ABCB1: variants seen among roughly 807,000 people sequenced by gnomAD.
ABCB1 encodes the protein ATP-dependent translocase ABCB1.
Under a neutral mutation model 142.0 loss-of-function variants are expected in ABCB1, and 69 were observed. The observed-to-expected ratio is 0.49, with a 90% CI of 0.40 to 0.59. ABCB1 has a LOEUF of 0.59. Among genes scored for constraint, ABCB1 ranks in the 20% least tolerant of loss-of-function variants. The probability of loss-of-function intolerance (pLI) is 0.00; values close to 1 mark genes in which losing one functional copy is unlikely to be tolerated. For missense variants in ABCB1, 1,326 were observed against 1,554.7 expected, an observed-to-expected ratio of 0.85 and a Z score of 2.47; for synonymous variants, 532 against 539.2, an observed-to-expected ratio of 0.99 and a Z score of 0.18.
At chr7:87,624,970 G>A (rs779442183) in intron 1 of ABCB1, among the ~76,000 whole-genome samples, 30 of 152,078 alleles carry the variant, frequency 2.0e-4, no homozygotes, top group Non-Finnish European at 4.0e-4. Flanking sequence ...GAAAAATAAC[G>A]TTATGGCTGG....
At chr7:87,560,964 A>T (rs1817540328) in intron 8 of ABCB1, among the ~76,000 whole-genome samples, 1 of 152,244 alleles carries the variant, frequency 6.6e-6, no homozygotes, top group African/African-American at 2.4e-5. Context: ...TCAATATTAG[A>T]GAATCACTAA....
At chr7:87,623,119 A>G (rs1389375626) in intron 1 of ABCB1, among the ~76,000 whole-genome samples, 1 of 152,166 alleles carries the variant, frequency 6.6e-6, no homozygotes, top group East Asian at 1.9e-4. Flanking sequence ...GCCATTTACT[A>G]TGTGACTTTC....
intron 20 of ABCB1, among the ~76,000 whole-genome samples, chr7:87,536,248 T>C (rs907875031): frequency 6.6e-6 from 1 of 152,220 alleles, no homozygotes; most frequent in Non-Finnish European, 1.5e-5. Flanking sequence ...CAATAGCAAA[T>C]GGTTTATAAG....
At chr7:87,665,265 C>G (rs1825110225) in intron 1 of ABCB1, among the ~76,000 whole-genome samples, 1 of 151,928 alleles carries the variant, frequency 6.6e-6, no homozygotes, top group Admixed American at 6.6e-5. Context: ...AATCAACATA[C>G]AAAAATAAGT....
intron 5 of ABCB1, among the ~76,000 whole-genome samples, chr7:87,569,097 C>T (rs1817922644): frequency 6.6e-6 from 1 of 152,072 alleles, no homozygotes; most frequent in Admixed American, 6.6e-5. Flanking sequence ...CTTTGGAAGG[C>T]CAAGGTGGGT....
Position 87,545,889 on chromosome 7 carries a change from T to A in ABCB1, c.1861A>T (p.Ile621Phe). ...TGCATTGTGACAAGTTTGAAGTAAA[T>A]GCCTTTCTCTTTCATGAGTTCATCA... ...NHDELMKEKGIYFKLVTMQTA... is the reference protein window; with the variant it reads ...NHDELMKEKGFYFKLVTMQTA... Residue 621 changes from isoleucine (I) to phenylalanine (F), a missense_variant, in exon 15 of 28, where the codon ATT (isoleucine) becomes TTT (phenylalanine). Ile to Phe is a conservative substitution (Grantham distance 21, BLOSUM62 0). Coordinates refer to ENST00000622132, the MANE Select transcript of ABCB1 (RefSeq NM_001348946.2). 1 of 1,614,202 alleles carries A rather than the reference T, an allele frequency of 6.2e-7. No individual in the cohort carries two copies. Among genetic ancestry groups the A allele is most frequent in the Non-Finnish European group, 8.5e-7 (1 of 1,180,024 alleles).
At chr7:87,610,889 G>A (rs951570721) in intron 1 of ABCB1, among the ~76,000 whole-genome samples, 1 of 152,144 alleles carries the variant, frequency 6.6e-6, no homozygotes. Flanking sequence ...GGAGGAAGGG[G>A]AGAGGTTATT....
chr7:87,622,086 CAAAGGA>C (rs1820244941), intron 1 of ABCB1, among the ~76,000 whole-genome samples: 1 of 151,772 alleles, frequency 6.6e-6, no homozygotes, highest in Non-Finnish European at 1.5e-5. Flanking sequence ...CTAAAATGAT[CAAAGGA>C]AAAACCAATA....
chr7:87,514,118 G>A (rs1436119275), intron 25 of ABCB1, among the ~76,000 whole-genome samples: 1 of 152,188 alleles, frequency 6.6e-6, no homozygotes, highest in Non-Finnish European at 1.5e-5. Context: ...AGTGACCGCT[G>A]TGAGGAAGTA....
intron 1 of ABCB1, among the ~76,000 whole-genome samples, chr7:87,622,054 C>G (rs1820243273): frequency 6.6e-6 from 1 of 151,982 alleles, no homozygotes; most frequent in Non-Finnish European, 1.5e-5. Flanking sequence ...AGTATATAAT[C>G]TTGGAGGTGG....
At chr7:87,562,641 C>A (rs1817608994) in intron 7 of ABCB1, among the ~76,000 whole-genome samples, 1 of 151,822 alleles carries the variant, frequency 6.6e-6, no homozygotes, top group South Asian at 2.1e-4. Context: ...TCAAACACCA[C>A]AATGAATTCT....
At chr7:87,637,670 A>G (rs1040822939) in intron 1 of ABCB1, among the ~76,000 whole-genome samples, 2 of 152,004 alleles carry the variant, frequency 1.3e-5, no homozygotes, top group African/African-American at 4.8e-5. Context: ...ATATATTTTT[A>G]TATTATGGTA....
At chr7:87,523,170 G>T (rs1393264535) in intron 21 of ABCB1, among the ~76,000 whole-genome samples, 7 of 152,080 alleles carry the variant, frequency 4.6e-5, no homozygotes, top group Non-Finnish European at 8.8e-5. Flanking sequence ...GCAATTCACA[G>T]GTGTGATCAT....
intron 8 of ABCB1, among the ~76,000 whole-genome samples, chr7:87,559,809 T>C (rs1817477971): frequency 6.6e-6 from 1 of 152,144 alleles, no homozygotes; most frequent in South Asian, 2.1e-4. Flanking sequence ...TATGGGGAGA[T>C]GTTTTCCTCC....
At chr7:87,568,448 C>A (rs1048839648) in intron 5 of ABCB1, among the ~76,000 whole-genome samples, 2 of 151,486 alleles carry the variant, frequency 1.3e-5, no homozygotes, top group Non-Finnish European at 2.9e-5. Context: ...TTGGGCTTCA[C>A]TAAACAATTA....
At chr7:87,699,539 G>A (rs966740752) in intron 1 of ABCB1, among the ~76,000 whole-genome samples, 1 of 152,146 alleles carries the variant, frequency 6.6e-6, no homozygotes, top group African/African-American at 2.4e-5. Flanking sequence ...TCAAGTAGCT[G>A]GGATTATGGG....
intron 2 of ABCB1, among the ~76,000 whole-genome samples, chr7:87,596,766 C>T (rs1441807621): frequency 1.3e-5 from 2 of 151,978 alleles, no homozygotes; most frequent in Non-Finnish European, 2.9e-5. Context: ...CCAGAGTTTA[C>T]CCATTTGGCT....
At chr7:87,610,122 T>G (rs995142800) in intron 1 of ABCB1, among the ~76,000 whole-genome samples, 4 of 152,148 alleles carry the variant, frequency 2.6e-5, no homozygotes, top group Non-Finnish European at 2.9e-5. Context: ...AATATTTGAC[T>G]GTATTGTCTC....
rs763629745 is a variant in ABCB1 at position 87,600,216 on chromosome 7, C to G, written c.-6-26G>C. On this transcript the variant is annotated intron_variant, in intron 1 of 27. Coordinates refer to ENST00000622132, the MANE Select transcript of ABCB1 (RefSeq NM_001348946.2). ...CTGAAGAGAAACCGCAGCTCATTAG[C>G]CAAATGCATGAGCCTCAGGCGCGCT... is the stretch of plus-strand genomic sequence containing the variant. 6.3e-7 allele frequency: 1 copy of G among 1,597,210 alleles called. No homozygotes were observed. Among genetic ancestry groups the G allele is most frequent in the Non-Finnish European group, 8.6e-7 (1 of 1,165,140 alleles).
Sources: gnomAD v4.1 joint callset for allele counts (sites outside exome capture counted in the v4.1 genomes callset) on GRCh38, gnomAD v4.1.1 for gene constraint, MANE v1.5 for transcripts, NCBI Gene and HGNC (gene_info 2026-07-23, HGNC 2026-07-21) for gene names.